The following TENM2 variants were observed in gnomAD, a reference collection of about 807,000 sequenced individuals.
TENM2 encodes the protein teneurin transmembrane protein 2.
A neutral mutation model predicts 245.2 loss-of-function variants in TENM2; 52 were observed. The ratio of observed to expected loss-of-function variants is 0.21; its 90% CI spans 0.17 to 0.27. TENM2 has a LOEUF of 0.27. TENM2 is among the 10% of genes least tolerant of loss of function. TENM2 has a pLI of 1.00. For synonymous variants in TENM2, 1,363 were observed against 1,438.9 expected (o/e 0.95, Z 1.19); for missense variants, 3,046 against 3,666.8 (o/e 0.83, Z 4.37).
At chr5:168,261,953 C>T in intron 28 of TENM2, 96 bp from the exon 31 acceptor site, 1 of 1,235,544 alleles carries the variant, frequency 8.1e-7, no homozygotes, top group Non-Finnish European at 1.1e-6. Flanking sequence ...AACACTAGTT[C>T]TTGCAGGAGA....
intron 2 of TENM2, among the ~76,000 whole-genome samples, chr5:167,600,694 C>T (rs547752419): frequency 5.9e-5 from 9 of 152,194 alleles, no homozygotes; most frequent in East Asian, 3.9e-4. Flanking sequence ...AACCCTGTCA[C>T]GCTGGGTTAA....
At chr5:167,377,008 C>A (rs934888314) in intron 2 of TENM2, among the ~76,000 whole-genome samples, 1 of 151,998 alleles carries the variant, frequency 6.6e-6, no homozygotes, top group Non-Finnish European at 1.5e-5. Flanking sequence ...TAGAGGGAAC[C>A]GTCTATACAG....
chr5:167,781,733 A>G (rs186758564), intron 2 of TENM2, among the ~76,000 whole-genome samples: 2 of 152,306 alleles, frequency 1.3e-5, no homozygotes, highest in African/African-American at 4.8e-5. Context: ...TTTCCTTAGA[A>G]TTAAAAGTTG....
chr5:168,012,774 GAAAAA>G (rs3056563), intron 5 of TENM2, among the ~76,000 whole-genome samples: 95 of 74,286 alleles, frequency 1.3e-3, no homozygotes, highest in East Asian at 6.6e-3. Flanking sequence ...AAGAACAACT[GAAAAA>G]AAAAAAAAAA....
chr5:168,171,780 A>G (rs74512059), intron 13 of TENM2, among the ~76,000 whole-genome samples: 3,074 of 152,326 alleles, frequency 0.02, 124 homozygotes, highest in African/African-American at 0.069. Context: ...AATTTTAATC[A>G]TGTAAATCAC....
the TENM2 span, among the ~76,000 whole-genome samples, chr5:167,009,342 C>T: frequency 1.8e-4 from 28 of 152,188 alleles, no homozygotes; most frequent in African/African-American, 6.3e-4. Context: ...CTTTTTGATA[C>T]ATTCATTAAG....
the TENM2 span, among the ~76,000 whole-genome samples, chr5:167,271,184 G>A: frequency 5.3e-5 from 8 of 152,076 alleles, no homozygotes; most frequent in South Asian, 4.1e-4. Flanking sequence ...CTGCCTCTCC[G>A]AAAGCTCTGC....
At chr5:168,084,674 A>G (rs1314731413) in intron 7 of TENM2, among the ~76,000 whole-genome samples, 1 of 152,204 alleles carries the variant, frequency 6.6e-6, no homozygotes, top group Non-Finnish European at 1.5e-5. Flanking sequence ...TTCCAGGAAC[A>G]GAGAGAAGAG....
the TENM2 span, among the ~76,000 whole-genome samples, chr5:167,067,239 T>C: frequency 6.6e-6 from 1 of 152,174 alleles, no homozygotes; most frequent in Admixed American, 6.5e-5. Flanking sequence ...TTTGAACCTT[T>C]CAGAATTGCT....
chr5:167,809,564 G>A (rs1207277125), intron 2 of TENM2, among the ~76,000 whole-genome samples: 1 of 152,088 alleles, frequency 6.6e-6, no homozygotes, highest in Non-Finnish European at 1.5e-5. Context: ...ATACAAGCTT[G>A]GAAAAGTTTT....
chr5:168,140,462 C>T (rs143006754), intron 12 of TENM2, among the ~76,000 whole-genome samples: 8 of 152,268 alleles, frequency 5.3e-5, no homozygotes, highest in African/African-American at 1.9e-4. Flanking sequence ...GGCAGCTAAG[C>T]CCCAAATCTC....
chr5:167,935,433 A>C (rs577960270), intron 3 of TENM2, among the ~76,000 whole-genome samples: 1 of 152,128 alleles, frequency 6.6e-6, no homozygotes, highest in African/African-American at 2.4e-5. Flanking sequence ...TGTTAATTAC[A>C]CCACACCTGT....
intron 1 of TENM2, among the ~76,000 whole-genome samples, chr5:167,329,746 AAAATAG>A (rs1201383123): frequency 2.6e-5 from 4 of 152,084 alleles, no homozygotes; most frequent in East Asian, 1.9e-4. Context: ...AATTGTTTTA[AAAATAG>A]AAATAGAAAG....
chr5:167,948,966 G>T (rs886772490), intron 3 of TENM2: 1 of 152,136 alleles, frequency 6.6e-6, no homozygotes, highest in Non-Finnish European at 1.5e-5. Flanking sequence ...TTGCATTTTT[G>T]AAACAGAAAA....
At chr5:167,193,716 T>A in the TENM2 span, among the ~76,000 whole-genome samples, 4 of 152,030 alleles carry the variant, frequency 2.6e-5, no homozygotes, top group East Asian at 7.8e-4. Context: ...TAATTTTTGA[T>A]CTTGTCGGTC....
chr5:168,043,958 A>T (rs1788404941), intron 5 of TENM2, among the ~76,000 whole-genome samples: 1 of 152,252 alleles, frequency 6.6e-6, no homozygotes, highest in African/African-American at 2.4e-5. Context: ...TATGAAGCAG[A>T]TAGCCACCTC....
At chr5:167,382,075 T>C (rs1761124591) in intron 2 of TENM2, among the ~76,000 whole-genome samples, 1 of 152,120 alleles carries the variant, frequency 6.6e-6, no homozygotes, top group African/African-American at 2.4e-5. Flanking sequence ...GTCAGAGTAT[T>C]TGATTTAACA....
chr5:167,894,976 A>T (rs188472378), intron 3 of TENM2, among the ~76,000 whole-genome samples: 4 of 106,056 alleles, frequency 3.8e-5, no homozygotes, highest in Non-Finnish European at 7.8e-5. Flanking sequence ...GAAGGAAGGA[A>T]GGAAGGAAGG....
intron 3 of TENM2, among the ~76,000 whole-genome samples, chr5:167,920,411 A>G (rs1319238885): frequency 2.6e-5 from 4 of 151,128 alleles, no homozygotes; most frequent in African/African-American, 9.7e-5. Flanking sequence ...CCAGCTACTC[A>G]GGAGACTGAG....
Sources: allele counts gnomAD v4.1 joint callset (sites outside exome capture counted in the v4.1 genomes callset), GRCh38; gene constraint gnomAD v4.1.1; transcripts MANE v1.5; gene names NCBI Gene and HGNC (gene_info 2026-07-23, HGNC 2026-07-21).